Variants in LOC400499 observed in about 807,000 individuals in gnomAD.
chr16:11,523,417 C>A, the LOC400499 span: 1 of 398,772 alleles, frequency 2.5e-6, no homozygotes, highest in East Asian at 3.6e-5. Context: ...GAGAATCACT[C>A]ACCTGTGCAC....
At chr16:11,380,243 CTTTT>C in the LOC400499 span, among the ~76,000 whole-genome samples, 2 of 146,462 alleles carry the variant, frequency 1.4e-5, no homozygotes, top group East Asian at 4.0e-4. Context: ...CACCTAGCAT[CTTTT>C]TTTTTTTTTG....
chr16:11,456,527 T>G, the LOC400499 span, among the ~76,000 whole-genome samples: 9 of 152,164 alleles, frequency 5.9e-5, no homozygotes, highest in African/African-American at 2.2e-4. Flanking sequence ...GACACTTGAC[T>G]GGCAAAGGTA....
the LOC400499 span, among the ~76,000 whole-genome samples, chr16:11,501,546 G>A: frequency 1.3e-5 from 2 of 151,964 alleles, no homozygotes; most frequent in African/African-American, 4.8e-5. Flanking sequence ...TTGTAGAGAT[G>A]GGGGCATTGC....
the LOC400499 span, among the ~76,000 whole-genome samples, chr16:11,488,226 G>C: frequency 2.0e-5 from 3 of 151,958 alleles, no homozygotes; most frequent in Non-Finnish European, 4.4e-5. Flanking sequence ...ATTAATGGTA[G>C]TGATAGACAA....
chr16:11,439,508 G>T, the LOC400499 span: 2 of 398,988 alleles, frequency 5.0e-6, no homozygotes, highest in African/African-American at 4.1e-5. Context: ...TGGAGGAAAT[G>T]TTGGTCCGTG....
chr16:11,448,855 A>C, the LOC400499 span: 1 of 1,292,686 alleles, frequency 7.7e-7, no homozygotes, highest in Non-Finnish European at 1.0e-6. Flanking sequence ...GCAGGGAGAG[A>C]GGTAGGAAAC....
the LOC400499 span, among the ~76,000 whole-genome samples, chr16:11,526,559 T>C: frequency 2.0e-5 from 3 of 152,252 alleles, no homozygotes; most frequent in Non-Finnish European, 2.9e-5. Flanking sequence ...AAATACACAT[T>C]AAATGTTGAA....
chr16:11,396,044 G>C, the LOC400499 span, among the ~76,000 whole-genome samples: 1 of 152,318 alleles, frequency 6.6e-6, no homozygotes, highest in South Asian at 2.1e-4. Flanking sequence ...ACCAGTAATG[G>C]CTAATAGCAA....
the LOC400499 span, chr16:11,460,503 T>C: frequency 1.3e-6 from 2 of 1,533,262 alleles, no homozygotes; most frequent in African/African-American, 2.7e-5. Context: ...AGGATCTGTG[T>C]GCAGTGGAGC....
the LOC400499 span, among the ~76,000 whole-genome samples, chr16:11,437,149 G>T: frequency 9.0e-4 from 137 of 152,322 alleles, 3 homozygotes; most frequent in East Asian, 0.015. Context: ...TGGTTGCCAG[G>T]GGGTGGAGTG....
At chr16:11,384,309 A>G in the LOC400499 span, 1 of 1,232,508 alleles carries the variant, frequency 8.1e-7, no homozygotes, top group East Asian at 3.2e-5. Context: ...TGGTGCCCAG[A>G]AGGCCAGCGG....
chr16:11,460,335 G>C, the LOC400499 span: 1 of 1,113,508 alleles, frequency 9.0e-7, no homozygotes, highest in Non-Finnish European at 1.2e-6. Context: ...TGAGACTGAA[G>C]TTCCAGCCCC....
chr16:11,504,856 G>C, the LOC400499 span, among the ~76,000 whole-genome samples: 1 of 152,142 alleles, frequency 6.6e-6, no homozygotes, highest in African/African-American at 2.4e-5. Flanking sequence ...TCGGGAGGCA[G>C]AGGTTACAGT....
chr16:11,384,743 G>A, the LOC400499 span: 1 of 657,734 alleles, frequency 1.5e-6, no homozygotes, highest in African/African-American at 1.9e-5. Context: ...ATGAGGAGTT[G>A]AGGGCACACG....
the LOC400499 span, among the ~76,000 whole-genome samples, chr16:11,512,229 C>A: frequency 2.0e-5 from 3 of 151,568 alleles, no homozygotes; most frequent in Non-Finnish European, 4.4e-5. Flanking sequence ...TTACAGTGAG[C>A]TGAGATCATG....
chr16:11,382,962 T>C, the LOC400499 span, among the ~76,000 whole-genome samples: 46,379 of 151,860 alleles, frequency 0.31, 7,791 homozygotes, highest in African/African-American at 0.43. Flanking sequence ...GCTCACAGTT[T>C]TACAGGCTGT....
the LOC400499 span, among the ~76,000 whole-genome samples, chr16:11,379,517 T>C: frequency 6.6e-6 from 1 of 152,268 alleles, no homozygotes; most frequent in Non-Finnish European, 1.5e-5. Flanking sequence ...TGTAAGTCTC[T>C]CAGTCTTCTG....
chr16:11,431,341 C>T, the LOC400499 span: 3 of 398,004 alleles, frequency 7.5e-6, no homozygotes, highest in African/African-American at 6.2e-5. Flanking sequence ...AAGGACATAA[C>T]CTCTCTGGGC....
At chr16:11,490,405 A>G in the LOC400499 span, among the ~76,000 whole-genome samples, 2 of 151,042 alleles carry the variant, frequency 1.3e-5, no homozygotes, top group Admixed American at 6.6e-5. Context: ...CGAAAAAAAA[A>G]AAAAAAAAAA....
Sources: allele counts gnomAD v4.1 joint callset (sites outside exome capture counted in the v4.1 genomes callset), GRCh38; gene constraint gnomAD v4.1.1; transcripts MANE v1.5.